Variants in MALRD1 observed in about 807,000 individuals in gnomAD.
MALRD1 encodes the protein MAM and LDL-receptor class A domain-containing protein 1.
Under a neutral mutation model 242.1 loss-of-function variants are expected in MALRD1, and 247 were observed. The observed-to-expected ratio is 1.02, with a 90% confidence interval of 0.92 to 1.13. The LOEUF (loss-of-function observed/expected upper bound fraction) is 1.13. Ranked by LOEUF, MALRD1 falls within the 50% of genes most tolerant of loss-of-function variation. MALRD1 has a pLI of 0.00. For missense variants in MALRD1, 2,989 were observed against 2,533.1 expected, an observed-to-expected ratio of 1.18 and a Z score of -3.86; for synonymous variants, 995 against 866.6, an observed-to-expected ratio of 1.15 and a Z score of -2.60.
At chr10:19,149,516 G>GAT (rs377659456) in intron 11 of MALRD1, among the ~76,000 whole-genome samples, 38 of 151,890 alleles carry the variant, frequency 2.5e-4, no homozygotes, top group African/African-American at 7.0e-4. Flanking sequence ...GTCACACACA[G>GAT]ATATATATAT....
chr10:19,334,712 C>T (rs995530063), intron 24 of MALRD1, among the ~76,000 whole-genome samples: 4 of 152,018 alleles, frequency 2.6e-5, no homozygotes, highest in African/African-American at 9.7e-5. Flanking sequence ...GTATTTATTA[C>T]TATTTATCTT....
intron 20 of MALRD1, among the ~76,000 whole-genome samples, chr10:19,281,221 G>C (rs555142282): frequency 2.0e-5 from 3 of 152,190 alleles, no homozygotes; most frequent in African/African-American, 7.2e-5. Context: ...GCTAGCCAGG[G>C]ATTTATATCA....
At chr10:19,126,629 T>C (rs986473820) in intron 7 of MALRD1, among the ~76,000 whole-genome samples, 9 of 152,280 alleles carry the variant, frequency 5.9e-5, no homozygotes, top group African/African-American at 2.2e-4. Flanking sequence ...AATTTCTTTT[T>C]TCTACAATTT....
At chr10:19,456,836 G>A (rs181351747) in intron 29 of MALRD1, among the ~76,000 whole-genome samples, 3 of 151,364 alleles carry the variant, frequency 2.0e-5, no homozygotes, top group Admixed American at 6.6e-5. Flanking sequence ...GCAATGGCAC[G>A]ATCTCAGCTC....
intron 21 of MALRD1, among the ~76,000 whole-genome samples, chr10:19,314,896 G>T (rs1019110768): frequency 6.6e-6 from 1 of 150,898 alleles, no homozygotes; most frequent in Non-Finnish European, 1.5e-5. Flanking sequence ...TGTTATATAT[G>T]ACCAGATAAA....
chr10:19,290,979 C>T (rs1841393568), intron 21 of MALRD1, among the ~76,000 whole-genome samples: 1 of 152,080 alleles, frequency 6.6e-6, no homozygotes, highest in Non-Finnish European at 1.5e-5. Flanking sequence ...TAAACTGGCT[C>T]ATAGCCAAGC....
chr10:19,183,151 C>T (rs1370040374), intron 14 of MALRD1, among the ~76,000 whole-genome samples: 2 of 128,988 alleles, frequency 1.6e-5, no homozygotes, highest in African/African-American at 2.9e-5. Context: ...TTTGAAAAAA[C>T]TAATTTTTAT....
At chr10:19,731,875 T>C (rs866820735) in intron 39 of MALRD1, among the ~76,000 whole-genome samples, 3 of 152,252 alleles carry the variant, frequency 2.0e-5, no homozygotes, top group Non-Finnish European at 2.9e-5. Flanking sequence ...CAGTTTTTTA[T>C]CTTGTTCCTG....
chr10:19,391,838 G>A (rs2130822431), intron 28 of MALRD1, among the ~76,000 whole-genome samples: 1 of 152,310 alleles, frequency 6.6e-6, no homozygotes, highest in South Asian at 2.1e-4. Flanking sequence ...TAGGCTTCAA[G>A]TGTCACTCTC....
At chr10:19,390,687 C>T (rs961706922) in intron 28 of MALRD1, among the ~76,000 whole-genome samples, 1 of 151,740 alleles carries the variant, frequency 6.6e-6, no homozygotes, top group African/African-American at 2.4e-5. Context: ...TTTAATGACA[C>T]ATGAGCTTTG....
chr10:19,209,033 G>A (rs2358354), intron 17 of MALRD1, among the ~76,000 whole-genome samples: 135,946 of 152,164 alleles, frequency 0.89, 61,003 homozygotes, highest in East Asian at 1. Flanking sequence ...TTGGAAAAAA[G>A]TGTCCAAAGC....
intron 22 of MALRD1, among the ~76,000 whole-genome samples, chr10:19,327,198 C>G (rs749759442): frequency 6.6e-6 from 1 of 152,040 alleles, no homozygotes; most frequent in African/African-American, 2.4e-5. Flanking sequence ...TTTTAGTAAG[C>G]AATTCCATAC....
chr10:19,715,321 A>G (rs1204903970), intron 38 of MALRD1, among the ~76,000 whole-genome samples: 1 of 151,144 alleles, frequency 6.6e-6, no homozygotes, highest in Non-Finnish European at 1.5e-5. Context: ...ATATTTATTA[A>G]TATATTTTAA....
intron 24 of MALRD1, among the ~76,000 whole-genome samples, chr10:19,342,833 C>T (rs1317646752): frequency 6.6e-6 from 1 of 151,968 alleles, no homozygotes; most frequent in East Asian, 1.9e-4. Flanking sequence ...AGTGGTCCCT[C>T]CTCTCTCTGT....
At chr10:19,690,248 T>C (rs1030678522) in intron 36 of MALRD1, among the ~76,000 whole-genome samples, 2 of 152,120 alleles carry the variant, frequency 1.3e-5, no homozygotes, top group African/African-American at 4.8e-5. Context: ...ACCCTTACAG[T>C]AGTTTATTTC....
intron 18 of MALRD1, among the ~76,000 whole-genome samples, chr10:19,216,692 TC>T (rs1206913728): frequency 2.6e-5 from 4 of 151,844 alleles, no homozygotes; most frequent in Non-Finnish European, 4.4e-5. Flanking sequence ...ACGCCTGTAA[TC>T]CCAGCACTTT....
At chr10:19,069,497 T>C (rs1294389803) in intron 2 of MALRD1, among the ~76,000 whole-genome samples, 1 of 152,028 alleles carries the variant, frequency 6.6e-6, no homozygotes, top group African/African-American at 2.4e-5. Context: ...CTTTATTTCT[T>C]CTACCTATCT....
chr10:19,317,344 G>C (rs1294244871), intron 21 of MALRD1, among the ~76,000 whole-genome samples: 1 of 151,796 alleles, frequency 6.6e-6, no homozygotes, highest in African/African-American at 2.4e-5. Flanking sequence ...AATCATGACA[G>C]TTTTACCCTA....
intron 24 of MALRD1, among the ~76,000 whole-genome samples, chr10:19,341,725 T>A (rs529048930): frequency 6.6e-6 from 1 of 151,958 alleles, no homozygotes; most frequent in Non-Finnish European, 1.5e-5. Flanking sequence ...AATATTTGAC[T>A]AAAGAATGAA....
Sources: allele counts gnomAD v4.1 joint callset (sites outside exome capture counted in the v4.1 genomes callset), GRCh38; gene constraint gnomAD v4.1.1; transcripts MANE v1.5; gene names NCBI Gene and HGNC (gene_info 2026-07-23, HGNC 2026-07-21).